The following PCSK5 variants were observed in gnomAD, a reference collection of about 807,000 sequenced individuals.
The protein encoded by PCSK5 is prohormone convertase 5.
A neutral mutation model predicts 233.2 loss-of-function variants in PCSK5; 129 were observed. That is an observed-to-expected ratio of 0.55 (90% confidence interval 0.48 to 0.64). The LOEUF (loss-of-function observed/expected upper bound fraction) is 0.64. Among genes scored for constraint, PCSK5 ranks in the 30% least tolerant of loss-of-function variants. The pLI is 0.00. For synonymous variants in PCSK5, 825 were observed against 879.2 expected, an observed-to-expected ratio of 0.94 and a Z score of 1.09; for missense variants, 2,076 against 2,430.1, an observed-to-expected ratio of 0.85 and a Z score of 3.06.
At chr9:75,959,650 G>A (rs771720582) in intron 2 of PCSK5, among the ~76,000 whole-genome samples, 1 of 152,200 alleles carries the variant, frequency 6.6e-6, no homozygotes, top group Non-Finnish European at 1.5e-5. Context: ...CTCCAGTGTG[G>A]CTGGGCTCGG....
At chr9:76,199,166 G>C (rs894480679) in intron 20 of PCSK5, among the ~76,000 whole-genome samples, 3 of 152,110 alleles carry the variant, frequency 2.0e-5, no homozygotes, top group Non-Finnish European at 2.9e-5. Context: ...AAACATCATA[G>C]AACACACTTA....
intron 7 of PCSK5, among the ~76,000 whole-genome samples, chr9:76,088,728 C>T (rs900356166): frequency 1.3e-5 from 2 of 152,158 alleles, no homozygotes; most frequent in African/African-American, 4.8e-5. Flanking sequence ...TGTCTTCATA[C>T]ACCTTTACCA....
intron 2 of PCSK5, among the ~76,000 whole-genome samples, chr9:75,972,255 A>G (rs1825841570): frequency 6.6e-6 from 1 of 152,136 alleles, no homozygotes; most frequent in Non-Finnish European, 1.5e-5. Context: ...TTTTTGTACC[A>G]CTATCATGCT....
intron 12 of PCSK5, among the ~76,000 whole-genome samples, chr9:76,167,631 T>C (rs1334637755): frequency 2.0e-5 from 3 of 152,236 alleles, no homozygotes; most frequent in Non-Finnish European, 4.4e-5. Flanking sequence ...TCAGACACAC[T>C]GATAAAATAC....
intron 20 of PCSK5, among the ~76,000 whole-genome samples, chr9:76,223,402 C>T (rs990962812): frequency 6.6e-6 from 1 of 152,148 alleles, no homozygotes; most frequent in South Asian, 2.1e-4. Flanking sequence ...TTCAGTTATT[C>T]TGGAAGACTT....
chr9:76,300,396 G>A (rs1828564582), intron 27 of PCSK5, among the ~76,000 whole-genome samples: 1 of 152,136 alleles, frequency 6.6e-6, no homozygotes, highest in South Asian at 2.1e-4. Context: ...TTAACTGTTT[G>A]GCCAGTAGGA....
intron 2 of PCSK5, among the ~76,000 whole-genome samples, chr9:75,975,954 A>G (rs535029353): frequency 3.4e-4 from 52 of 152,256 alleles, no homozygotes; most frequent in Admixed American, 2.9e-3. Flanking sequence ...TCCCAGTTCA[A>G]TCTCTGAATT....
intron 3 of PCSK5, among the ~76,000 whole-genome samples, chr9:75,994,784 T>C (rs1826941204): frequency 6.6e-6 from 1 of 152,138 alleles, no homozygotes; most frequent in Admixed American, 6.5e-5. Flanking sequence ...GCCAGAGTGA[T>C]TATTAAAACC....
Position 76,358,668 on chromosome 9 carries a change from G to T in PCSK5, c.5410G>T (p.Ala1804Ser). 1.2e-6 allele frequency: 2 copies of T among 1,612,834 alleles called. No individual in the cohort carries two copies. The highest frequency in any genetic ancestry group is 1.7e-5 in the Admixed American group (1 of 60,010). The change falls in exon 38 of 38, where the codon GCC (alanine) becomes TCC (serine). Residue 1804 changes from alanine to serine, a missense_variant. Coordinates refer to ENST00000674117, the MANE Select transcript of PCSK5 (RefSeq NM_001372043.1). ...SRGRVQPAAKAGYEKLADPNK... is the reference protein window; with the variant it reads ...SRGRVQPAAKSGYEKLADPNK... ...TGGCCGAGTCCAGCCAGCAGCAAAG[G>T]CCGGCTATGAAAAACTGGCCGACCC... is the stretch of plus-strand genomic sequence containing the variant.
At chr9:76,156,911 T>C (rs1378808254) in intron 10 of PCSK5, 134 bp from the exon 11 acceptor site, 1 of 679,830 alleles carries the variant, frequency 1.5e-6, no homozygotes, top group Non-Finnish European at 2.7e-6. Context: ...TTTGTTTTGC[T>C]GGATTTATTT....
chr9:76,127,324 C>T (rs764690396), intron 9 of PCSK5, among the ~76,000 whole-genome samples: 4 of 152,118 alleles, frequency 2.6e-5, no homozygotes, highest in Non-Finnish European at 5.9e-5. Flanking sequence ...TTCTAACATT[C>T]GATTCTCTAA....
chr9:76,136,523 G>A (rs544803297), intron 10 of PCSK5, among the ~76,000 whole-genome samples: 3 of 152,158 alleles, frequency 2.0e-5, no homozygotes, highest in South Asian at 2.1e-4. Flanking sequence ...CCATAGTCAC[G>A]TATTTCTCCT....
chr9:75,927,825 T>G (rs35087491), intron 1 of PCSK5, among the ~76,000 whole-genome samples: 37,162 of 152,084 alleles, frequency 0.24, 4,889 homozygotes, highest in African/African-American at 0.31. Flanking sequence ...TTTTTTGAAA[T>G]TACAGGCTCT....
chr9:75,897,161 A>C (rs1825842095), intron 1 of PCSK5, among the ~76,000 whole-genome samples: 1 of 152,206 alleles, frequency 6.6e-6, no homozygotes, highest in South Asian at 2.1e-4. Flanking sequence ...AGCTAAAATA[A>C]GGCATAGGGA....
intron 9 of PCSK5, among the ~76,000 whole-genome samples, chr9:76,118,134 A>G (rs1158487311): frequency 6.6e-6 from 1 of 152,156 alleles, no homozygotes; most frequent in South Asian, 2.1e-4. Context: ...TTGGGATCCC[A>G]TACCTGGAAT....
chr9:76,245,058 TTTTTGTTTG>T (rs1392673330), intron 24 of PCSK5, among the ~76,000 whole-genome samples: 6 of 152,192 alleles, frequency 3.9e-5, no homozygotes, highest in African/African-American at 1.4e-4. Flanking sequence ...TGAGGCACAT[TTTTTGTTTG>T]TTTGTTTGTT....
rs538343623 is a variant in PCSK5 at position 75,949,503 on chromosome 9, AGTT to A, written c.297+17024_297+17026del. 2.0e-5 allele frequency among the ~76,000 whole-genome samples: 3 copies of A among 152,096 alleles called. No homozygotes were observed. The East Asian group carries it at 5.8e-4, about 29-fold the overall frequency. On this transcript the variant is annotated intron_variant, in intron 2 of 37. Coordinates refer to ENST00000674117, the MANE Select transcript of PCSK5 (RefSeq NM_001372043.1). The stretch of plus-strand genomic sequence containing the variant: ...ATTTTGCCAATATTTATGTTGGGAC[AGTT>A]GTTTATTTATTTATTAAATTTATTA...
chr9:76,032,815 G>A (rs1472985203), intron 5 of PCSK5, among the ~76,000 whole-genome samples: 2 of 152,048 alleles, frequency 1.3e-5, no homozygotes, highest in African/African-American at 4.8e-5. Context: ...CCCTCCCTAG[G>A]TTACTTCCTT....
At chr9:76,156,560 TATTA>T (rs1822595604) in intron 10 of PCSK5, among the ~76,000 whole-genome samples, 1 of 152,220 alleles carries the variant, frequency 6.6e-6, no homozygotes, top group South Asian at 2.1e-4. Context: ...TCTTTAAACC[TATTA>T]ATTATTTTAT....
Sources: gnomAD v4.1 joint callset for allele counts (sites outside exome capture counted in the v4.1 genomes callset) on GRCh38, gnomAD v4.1.1 for gene constraint, MANE v1.5 for transcripts, NCBI Gene and HGNC (gene_info 2026-07-23, HGNC 2026-07-21) for gene names.